The following KANSL3 variants were observed in gnomAD, a reference collection of about 807,000 sequenced individuals.
KANSL3 encodes the protein KAT8 regulatory NSL complex subunit 3.
In KANSL3, 16 loss-of-function variants were observed where a neutral mutation model predicts 89.2. The observed-to-expected ratio is 0.18, with a 90% CI of 0.12 to 0.27. The LOEUF (loss-of-function observed/expected upper bound fraction) is 0.27. Ranked by LOEUF, KANSL3 falls within the 10% of genes least tolerant of loss-of-function variation. The pLI is 1.00. For synonymous variants in KANSL3, 385 were observed against 419.7 expected (o/e 0.92, Z 1.01); for missense variants, 879 against 1,110.6 (o/e 0.79, Z 2.96).
At chr2:96,591,694 A>T (rs2066277408), downstream of KANSL3, among the ~76,000 whole-genome samples, 1 of 152,196 alleles carries the variant, frequency 6.6e-6, no homozygotes, top group South Asian at 2.1e-4. Context: ...AGAGATAAGG[A>T]GAACCAACCC....
chr2:96,583,515 T>C, the KANSL3 span, among the ~76,000 whole-genome samples: 1 of 152,252 alleles, frequency 6.6e-6, no homozygotes, highest in Non-Finnish European at 1.5e-5. Context: ...AGTGGAATCA[T>C]ACCGTGTAGT....
At chr2:96,581,959 C>T in the KANSL3 span, among the ~76,000 whole-genome samples, 9 of 152,100 alleles carry the variant, frequency 5.9e-5, no homozygotes, top group Non-Finnish European at 1.3e-4. Context: ...AAATATTTTC[C>T]TTGGGGGGCC....
rs1195854167 is a variant in KANSL3 at position 96,636,963 on chromosome 2, C to A, written c.173G>T (p.Arg58Leu). 3 of 1,548,194 alleles carry A rather than the reference C, an allele frequency of 1.9e-6. No individual in the cohort carries two copies. Among genetic ancestry groups the A allele is most frequent in the East Asian group, 4.9e-5 (2 of 40,850 alleles). ...CCGCCGGGGAGTGACAAAGAGCATG[C>A]GGGTGGGGCGGGCACTACTGGCATC... The part of the protein sequence containing the change: ...HPDASSARPT[R>L]MLFVTPRRQH... Residue 58 changes from arginine (R) to leucine (L), a missense_variant, in exon 2 of 21, where the codon CGC becomes CTC. By Grantham distance (102) the Arg-to-Leu change is moderately radical. Coordinates refer to ENST00000431828, the MANE Select transcript of KANSL3 (RefSeq NM_001115016.3).
Position 96,602,719 on chromosome 2 carries a change from C to T in KANSL3, c.2259+34G>A, listed in dbSNP as rs144569290. 3.2e-3 allele frequency: 5,008 copies of T among 1,543,570 alleles called. 11 individuals are homozygous for T. The highest frequency in any genetic ancestry group is 4.1e-3 in the Non-Finnish European group (4,640 of 1,144,124). On this transcript the variant is annotated intron_variant, in intron 18 of 20. Transcript: ENST00000431828. Reference sequence around the variant, plus strand: ...CTAAGCTGAGGAGGCCTCCTCCCTACACCTGCCCAGCCCAGCAGATGGCAG... The same window carrying T: ...CTAAGCTGAGGAGGCCTCCTCCCTATACCTGCCCAGCCCAGCAGATGGCAG...
chr2:96,619,885 G>T, intron 3 of KANSL3, 123 bp from the exon 4 acceptor site: 1 of 766,946 alleles, frequency 1.3e-6, no homozygotes. Context: ...AAACGAAGTA[G>T]CTTAGTCTAA....
At chr2:96,605,282 G>C in intron 15 of KANSL3, 38 bp downstream of exon 15, 1 of 1,556,912 alleles carries the variant, frequency 6.4e-7, no homozygotes, top group Non-Finnish European at 8.8e-7. Context: ...GTACCTGAGA[G>C]AGCTCAGTTC....
intron 2 of KANSL3, 74 bp downstream of exon 2, chr2:96,636,847 G>A (rs2074319825): frequency 1.6e-6 from 2 of 1,263,818 alleles, no homozygotes; most frequent in Non-Finnish European, 2.2e-6. Flanking sequence ...TCAATCCTGA[G>A]AAAATCCTCT....
At chr2:96,631,605 A>G (rs2073402542) in intron 2 of KANSL3, 123 bp from the exon 3 acceptor site, 1 of 1,172,120 alleles carries the variant, frequency 8.5e-7, no homozygotes, top group Non-Finnish European at 1.2e-6. Context: ...AGCACATTAT[A>G]TTCACAAGAA....
chr2:96,591,534 T>C (rs2104769677), downstream of KANSL3, among the ~76,000 whole-genome samples: 1 of 152,360 alleles, frequency 6.6e-6, no homozygotes, highest in Non-Finnish European at 1.5e-5. Flanking sequence ...AAGGGTGTTA[T>C]ACTATACTAC....
Position 96,636,910 on chromosome 2 carries a change from C to A in KANSL3, c.215+11G>T, listed in dbSNP as rs560756356. On this transcript the variant is annotated intron_variant, in intron 2 of 20. Transcript: ENST00000431828. ...TGAGGTTACCAGCAGCCCTTAGAAG[C>A]CCCAACTCACATGGTACTTTCGTGC... 1.9e-5 allele frequency: 29 copies of A among 1,507,236 alleles called. No individual in the cohort carries two copies. Among genetic ancestry groups the A allele is most frequent in the Non-Finnish European group, 2.5e-5 (28 of 1,123,668 alleles). The allele number at this position is 1,507,236 out of a possible 1,614,324, so 93.4% of individuals were successfully genotyped here. A position where few individuals can be genotyped will look rare whatever the true frequency, so the allele number is the denominator to read the frequency against.
downstream of KANSL3, among the ~76,000 whole-genome samples, chr2:96,590,139 GA>G (rs1276755249): frequency 2.0e-5 from 3 of 151,978 alleles, no homozygotes; most frequent in Non-Finnish European, 2.9e-5. Context: ...CTGGGCGACA[GA>G]ATGAGACTCA....
downstream of KANSL3, among the ~76,000 whole-genome samples, chr2:96,588,481 G>A (rs1211255611): frequency 6.6e-6 from 1 of 152,220 alleles, no homozygotes; most frequent in Non-Finnish European, 1.5e-5. Flanking sequence ...ACTGGCTAAA[G>A]AGAGTTCTCT....
chr2:96,623,328 A>G (rs1277857055), intron 3 of KANSL3, among the ~76,000 whole-genome samples: 1 of 152,220 alleles, frequency 6.6e-6, no homozygotes, highest in African/African-American at 2.4e-5. Context: ...AACTGCAAGA[A>G]TGCTGCTTGA....
At chr2:96,627,129 A>C (rs1007828558) in intron 3 of KANSL3, among the ~76,000 whole-genome samples, 4 of 152,240 alleles carry the variant, frequency 2.6e-5, no homozygotes, top group Non-Finnish European at 5.9e-5. Context: ...CAGACAATTA[A>C]ATAAGGTAGT....
chr2:96,593,903 T>C lies in KANSL3; in HGVS notation c.*1708A>G. On this transcript the variant is annotated 3_prime_UTR_variant, in exon 21 of 21. Coordinates refer to ENST00000431828, the MANE Select transcript of KANSL3 (RefSeq NM_001115016.3). ...TACCTTCCTCAAGTTTACTAAATAC[T>C]TTCTGAATTTAAGAATTTTGAGAAA... 6.6e-6 allele frequency: 1 copy of C among 152,412 alleles called. No homozygotes were observed. The highest frequency in any genetic ancestry group is 6.5e-5 in the Admixed American group (1 of 15,298). 9.4% of individuals were successfully genotyped at this position (152,412 alleles called of 1,614,324 possible).
intron 20 of KANSL3, among the ~76,000 whole-genome samples, chr2:96,599,999 A>G (rs1324918849): frequency 6.6e-6 from 1 of 152,188 alleles, no homozygotes; most frequent in Middle Eastern, 3.2e-3. Context: ...GGTACACAAG[A>G]ATAAACAAGT....
At chr2:96,633,517 C>T (rs1177634724) in intron 2 of KANSL3, among the ~76,000 whole-genome samples, 3 of 150,434 alleles carry the variant, frequency 2.0e-5, no homozygotes, top group Non-Finnish European at 3.0e-5. Context: ...TGCAGTGAGC[C>T]GAGATCACAC....
At chr2:96,586,971 G>T in the KANSL3 span, among the ~76,000 whole-genome samples, 1 of 152,186 alleles carries the variant, frequency 6.6e-6, no homozygotes, top group Middle Eastern at 3.4e-3. Context: ...GTTTCCTGTT[G>T]TTTCATATCA....
chr2:96,622,045 C>T (rs1413763933), intron 3 of KANSL3, among the ~76,000 whole-genome samples: 3 of 150,920 alleles, frequency 2.0e-5, no homozygotes, highest in African/African-American at 4.9e-5. Flanking sequence ...ACCTGGGAGG[C>T]GGAGGTTGCA....
Sources: allele counts gnomAD v4.1 joint callset (sites outside exome capture counted in the v4.1 genomes callset), GRCh38; gene constraint gnomAD v4.1.1; transcripts MANE v1.5; gene names NCBI Gene and HGNC (gene_info 2026-07-23, HGNC 2026-07-21).